DMRT1: variants seen among roughly 807,000 people sequenced by gnomAD.
DMRT1 encodes the protein doublesex and mab-3 related transcription factor 1, also known as doublesex- and mab-3-related transcription factor 1.
In DMRT1, 7 loss-of-function variants were observed where a neutral mutation model predicts 32.3. That is an observed-to-expected ratio of 0.22 (90% CI 0.12 to 0.41). The LOEUF is 0.41. Ranked by LOEUF, DMRT1 falls within the 10% of genes least tolerant of loss-of-function variation. The pLI is 1.00. For missense variants in DMRT1, 625 were observed against 500.5 expected, an observed-to-expected ratio of 1.25 and a Z score of -2.37; for synonymous variants, 278 against 206.1, an observed-to-expected ratio of 1.35 and a Z score of -2.99.
chr9:854,777 T>G (rs901339029), intron 2 of DMRT1, among the ~76,000 whole-genome samples: 5 of 125,908 alleles, frequency 4.0e-5, no homozygotes, highest in Non-Finnish European at 8.5e-5. Flanking sequence ...AACTCCTTTT[T>G]TTTTTTGAAA....
intron 3 of DMRT1, among the ~76,000 whole-genome samples, chr9:903,052 A>G (rs968911419): frequency 6.6e-6 from 1 of 152,208 alleles, no homozygotes; most frequent in East Asian, 1.9e-4. Flanking sequence ...TCACATTACT[A>G]TTAGTATAAA....
At chr9:951,907 C>T (rs1048998085) in intron 4 of DMRT1, among the ~76,000 whole-genome samples, 1 of 152,170 alleles carries the variant, frequency 6.6e-6, no homozygotes, top group Non-Finnish European at 1.5e-5. Context: ...TGATTATCTG[C>T]TCTCTTCTTA....
chr9:873,700 C>T (rs1816374406), intron 2 of DMRT1, among the ~76,000 whole-genome samples: 1 of 152,094 alleles, frequency 6.6e-6, no homozygotes, highest in Non-Finnish European at 1.5e-5. Context: ...TTTAGCTAGG[C>T]AGTGGCAAAG....
At chr9:936,947 GT>G (rs538554502) in intron 4 of DMRT1, among the ~76,000 whole-genome samples, 1 of 152,152 alleles carries the variant, frequency 6.6e-6, no homozygotes, top group African/African-American at 2.4e-5. Context: ...TTTGCAGAAT[GT>G]TTTTTTATCA....
intron 2 of DMRT1, among the ~76,000 whole-genome samples, chr9:879,212 C>A (rs995738189): frequency 6.6e-6 from 1 of 152,012 alleles, no homozygotes; most frequent in African/African-American, 2.4e-5. Context: ...TCTCTACAAC[C>A]TTAAAAAGTA....
chr9:869,060 C>G lies in DMRT1; in HGVS notation c.538+21917C>G, dbSNP rs569587284. 6.7e-4 allele frequency among the ~76,000 whole-genome samples: 102 copies of G among 152,188 alleles called. 1 individual carries two copies. Among genetic ancestry groups the G allele is most frequent in the South Asian group, 6.0e-3 (29 of 4,818 alleles). On this transcript the variant is annotated intron_variant, in intron 2 of 4. Coordinates refer to ENST00000382276, the MANE Select transcript of DMRT1 (RefSeq NM_021951.3). ...AAGTTAGCATCCTTTATATTAGCAG[C>G]TTTTTTCTTAGTGCAGCTTCTCTTG...
chr9:956,563 C>CAA (rs199499677), intron 4 of DMRT1, among the ~76,000 whole-genome samples: 161 of 84,152 alleles, frequency 1.9e-3, no homozygotes, highest in East Asian at 8.7e-3. Context: ...GACCCTGTCT[C>CAA]AAAAAAAAAA....
chr9:863,287 C>A (rs1403762850), intron 2 of DMRT1, among the ~76,000 whole-genome samples: 6 of 147,092 alleles, frequency 4.1e-5, no homozygotes, highest in African/African-American at 1.5e-4. Flanking sequence ...CACTGCATTT[C>A]AGCCTGGGTG....
chr9:848,484 T>C (rs1310215933), intron 2 of DMRT1, among the ~76,000 whole-genome samples: 1 of 152,066 alleles, frequency 6.6e-6, no homozygotes, highest in Non-Finnish European at 1.5e-5. Flanking sequence ...AAGATACTCT[T>C]TTTTCTTTGC....
At chr9:881,078 G>C (rs564007694) in intron 2 of DMRT1, among the ~76,000 whole-genome samples, 158 of 152,132 alleles carry the variant, frequency 1.0e-3, no homozygotes, top group African/African-American at 3.5e-3. Context: ...AAGTGGTCTG[G>C]GGTGTGGCCT....
chr9:845,657 G>A (rs768356994), intron 1 of DMRT1, among the ~76,000 whole-genome samples: 1 of 152,016 alleles, frequency 6.6e-6, no homozygotes, highest in East Asian at 1.9e-4. Context: ...CCTGCCTTCA[G>A]CCTCTTCTTC....
rs747244190 is a variant in DMRT1 at position 968,088 on chromosome 9, G to A, written c.1071G>A (p.Ala357=). The change falls in exon 5 of 5, where the codon GCG becomes GCA. Residue 357 remains alanine, a synonymous_variant. Transcript: ENST00000382276. ...AGGCAGTGCTTGAATGTGAGCCTGC[G>A]TCGGAGCCCAGCAGCTTCACAGTCA... is the stretch of plus-strand genomic sequence containing the variant. The part of the protein sequence containing the change: ...STKAVLECEP[A]SEPSSFTVTP... 1.6e-5 allele frequency: 26 copies of A among 1,614,026 alleles called. No individual in the cohort carries two copies. The highest frequency in any genetic ancestry group is 2.2e-5 in the East Asian group (1 of 44,890).
intron 2 of DMRT1, among the ~76,000 whole-genome samples, chr9:866,196 G>T (rs906285098): frequency 2.0e-5 from 3 of 149,614 alleles, no homozygotes; most frequent in African/African-American, 7.3e-5. Flanking sequence ...AGACAGTGGT[G>T]GGTGTTTTAT....
chr9:911,470 A>ATTTTTT lies in DMRT1; in HGVS notation c.823-5257_823-5252dup, dbSNP rs201141931. On this transcript the variant is annotated intron_variant, in intron 3 of 4. Coordinates refer to ENST00000382276, the MANE Select transcript of DMRT1 (RefSeq NM_021951.3). ...CCATGCCTTTTTCTGGGTTAATTGCATTTTTTTTTTTTTTTTTTTTTTTTT... is the reference window on the plus strand; with the variant it reads ...CCATGCCTTTTTCTGGGTTAATTGCATTTTTTTTTTTTTTTTTTTTTTTTTTTTTTT... Among the ~76,000 whole-genome samples the ATTTTTT allele has an allele frequency of 5.8e-4, 39 of 66,988 alleles. 3 individuals carry two copies. The highest frequency in any genetic ancestry group is 1.0e-3 in the Non-Finnish European group (26 of 25,456). The allele number at this position is 66,988 out of a possible 152,430, so 43.9% of individuals were successfully genotyped here.
chr9:884,320 T>C (rs1428641694), intron 2 of DMRT1, among the ~76,000 whole-genome samples: 1 of 151,796 alleles, frequency 6.6e-6, no homozygotes, highest in African/African-American at 2.4e-5. Flanking sequence ...TGTGCAGGTA[T>C]TGATCCCTCA....
Position 894,174 on chromosome 9 carries a change from T to G in DMRT1, c.801T>G (p.Gly267=), listed in dbSNP as rs757078490. 6.2e-7 allele frequency: 1 copy of G among 1,613,742 alleles called. No individual in the cohort carries two copies. The highest frequency in any genetic ancestry group is 1.7e-5 in the Admixed American group (1 of 60,026). ...GCCTCCCCGGACCTTATGTGCCTGG[T>G]CAGACAGGAAACCAGTGGCAGGTAT... ...LRGLPGPYVP[G]QTGNQWQMKN... The change falls in exon 3 of 5, where the codon GGT becomes GGG. Residue 267 remains glycine (G), a synonymous_variant. Coordinates refer to ENST00000382276, the MANE Select transcript of DMRT1 (RefSeq NM_021951.3).
At chr9:923,272 G>A (rs568239825) in intron 4 of DMRT1, among the ~76,000 whole-genome samples, 1 of 152,326 alleles carries the variant, frequency 6.6e-6, no homozygotes, top group South Asian at 2.1e-4. Flanking sequence ...TCTTGATCCA[G>A]AACGCCAAAG....
chr9:861,480 C>G (rs1349249875), intron 2 of DMRT1, among the ~76,000 whole-genome samples: 1 of 152,228 alleles, frequency 6.6e-6, no homozygotes, highest in Non-Finnish European at 1.5e-5. Flanking sequence ...TACACAGACA[C>G]AATAACAATC....
intron 3 of DMRT1, among the ~76,000 whole-genome samples, chr9:900,311 T>C (rs1261202641): frequency 5.9e-5 from 9 of 152,224 alleles, no homozygotes; most frequent in African/African-American, 2.4e-5. Context: ...GAAAAGCCAG[T>C]ACCTTTTCAC....
Sources: gnomAD v4.1 joint callset for allele counts (sites outside exome capture counted in the v4.1 genomes callset) on GRCh38, gnomAD v4.1.1 for gene constraint, MANE v1.5 for transcripts, NCBI Gene and HGNC (gene_info 2026-07-23, HGNC 2026-07-21) for gene names.